Variants in SUGCT observed in about 807,000 individuals in gnomAD.
SUGCT encodes succinyl-CoA:glutarate-CoA transferase.
A neutral mutation model predicts 55.0 loss-of-function variants in SUGCT; 41 were observed. The observed-to-expected ratio is 0.74, with a 90% CI of 0.58 to 0.97. The LOEUF (loss-of-function observed/expected upper bound fraction) is 0.97. Ranked by LOEUF, SUGCT falls within the 50% of genes least tolerant of loss-of-function variation. The pLI is 0.00. For missense variants in SUGCT, 568 were observed against 547.8 expected (o/e 1.04, Z -0.37); for synonymous variants, 187 against 200.4 (o/e 0.93, Z 0.56).
At chr7:40,712,564 G>A (rs1292927549) in intron 12 of SUGCT, among the ~76,000 whole-genome samples, 1 of 152,214 alleles carries the variant, frequency 6.6e-6, no homozygotes, top group Non-Finnish European at 1.5e-5. Context: ...TTTGTCTTGA[G>A]TATGCAGCTT....
chr7:40,456,161 G>A (rs575447701), intron 10 of SUGCT, among the ~76,000 whole-genome samples: 5 of 152,068 alleles, frequency 3.3e-5, no homozygotes, highest in African/African-American at 1.2e-4. Flanking sequence ...GAGTAGCTGG[G>A]ATTACAGGCA....
intron 12 of SUGCT, among the ~76,000 whole-genome samples, chr7:40,527,429 A>G (rs1372792912): frequency 6.6e-6 from 1 of 152,214 alleles, no homozygotes; most frequent in Non-Finnish European, 1.5e-5. Context: ...TCTTTCTAAC[A>G]GAGACAGACA....
Position 40,542,239 on chromosome 7 carries a change from C to CCAT in SUGCT, c.1089+45855_1089+45857dup, listed in dbSNP as rs557377933. Among the ~76,000 whole-genome samples the CCAT allele has an allele frequency of 3.3e-5, 5 of 152,154 alleles. No homozygotes were observed. The South Asian group carries it at 1.0e-3, about 32-fold the overall frequency. ...TATGACATAGACAATGTAATCATAACCATCGTCATCATCATCATCATCATC... is the reference window on the plus strand; with the variant it reads ...TATGACATAGACAATGTAATCATAACCATCATCGTCATCATCATCATCATCATC... On this transcript the variant is annotated intron_variant, in intron 12 of 13. Coordinates refer to ENST00000335693, the MANE Select transcript of SUGCT (RefSeq NM_001193313.2).
At chr7:40,255,704 A>G (rs1359513785) in intron 7 of SUGCT, among the ~76,000 whole-genome samples, 2 of 143,886 alleles carry the variant, frequency 1.4e-5, no homozygotes, top group Non-Finnish European at 3.0e-5. Flanking sequence ...AACTGTCTGC[A>G]TTGTTTGTTT....
At chr7:40,521,865 G>A (rs1793551155) in intron 12 of SUGCT, among the ~76,000 whole-genome samples, 1 of 152,030 alleles carries the variant, frequency 6.6e-6, no homozygotes, top group African/African-American at 2.4e-5. Flanking sequence ...ACATAGATTG[G>A]TGGTGCTGGT....
chr7:40,349,014 T>A (rs1797471594), intron 9 of SUGCT, among the ~76,000 whole-genome samples: 1 of 152,218 alleles, frequency 6.6e-6, no homozygotes, highest in South Asian at 2.1e-4. Context: ...GAGGACTCTG[T>A]TCTCTTTCTT....
intron 1 of SUGCT, among the ~76,000 whole-genome samples, chr7:40,149,099 T>C (rs1378719960): frequency 6.6e-6 from 1 of 152,180 alleles, no homozygotes; most frequent in Admixed American, 6.5e-5. Context: ...AGCATGTCAA[T>C]GTGCCATATT....
chr7:40,638,979 T>C (rs1340187469), intron 12 of SUGCT, among the ~76,000 whole-genome samples: 2 of 152,302 alleles, frequency 1.3e-5, no homozygotes, highest in Admixed American at 6.5e-5. Context: ...GAAAACTGAT[T>C]GGAAAACACT....
chr7:40,517,497 T>G (rs1793306061), intron 12 of SUGCT, among the ~76,000 whole-genome samples: 1 of 152,128 alleles, frequency 6.6e-6, no homozygotes, highest in African/African-American at 2.4e-5. Flanking sequence ...CATGGGTACC[T>G]TTTATCAGGG....
At chr7:40,951,369 G>A in the SUGCT span, among the ~76,000 whole-genome samples, 6 of 151,970 alleles carry the variant, frequency 3.9e-5, no homozygotes, top group Non-Finnish European at 5.9e-5. Flanking sequence ...AGTCTTGCTA[G>A]CGTTCTATTA....
At chr7:40,902,388 GC>G in the SUGCT span, among the ~76,000 whole-genome samples, 1 of 151,928 alleles carries the variant, frequency 6.6e-6, no homozygotes, top group African/African-American at 2.4e-5. Context: ...GACCATCCTG[GC>G]TAATATGGTG....
chr7:40,417,697 T>A (rs1383118699), intron 9 of SUGCT, among the ~76,000 whole-genome samples: 1 of 141,864 alleles, frequency 7.0e-6, no homozygotes, highest in African/African-American at 2.6e-5. Flanking sequence ...TTTATGTATT[T>A]ATATAAAATC....
intron 9 of SUGCT, among the ~76,000 whole-genome samples, chr7:40,446,005 G>T (rs1334623800): frequency 1.3e-5 from 2 of 152,156 alleles, no homozygotes; most frequent in Non-Finnish European, 1.5e-5. Context: ...ATTAACAAGG[G>T]TACAGATGAA....
chr7:40,800,735 G>C (rs969460781), intron 13 of SUGCT, among the ~76,000 whole-genome samples: 8 of 151,980 alleles, frequency 5.3e-5, no homozygotes, highest in African/African-American at 1.9e-4. Context: ...GCATACAGAG[G>C]GTTCTATATT....
chr7:40,378,519 C>G (rs1271410274), intron 9 of SUGCT, among the ~76,000 whole-genome samples: 1 of 152,224 alleles, frequency 6.6e-6, no homozygotes, highest in Non-Finnish European at 1.5e-5. Context: ...GTCACCTAGG[C>G]TGGAGTGCAG....
intron 9 of SUGCT, among the ~76,000 whole-genome samples, chr7:40,447,818 G>T (rs1372049665): frequency 6.6e-6 from 1 of 152,086 alleles, no homozygotes; most frequent in Non-Finnish European, 1.5e-5. Flanking sequence ...AAGGGAGGAG[G>T]AAGTGAAGAA....
intron 12 of SUGCT, among the ~76,000 whole-genome samples, chr7:40,669,249 T>G (rs1309553306): frequency 2.0e-5 from 3 of 149,384 alleles, no homozygotes; most frequent in African/African-American, 7.4e-5. Flanking sequence ...AGTACAGGGG[T>G]GGCTGTATTG....
intron 7 of SUGCT, among the ~76,000 whole-genome samples, chr7:40,257,061 T>G (rs1227588890): frequency 6.6e-6 from 1 of 151,596 alleles, no homozygotes; most frequent in Non-Finnish European, 1.5e-5. Flanking sequence ...ATTTTTATTT[T>G]TTATATGGAG....
intron 13 of SUGCT, among the ~76,000 whole-genome samples, chr7:40,837,687 T>G (rs968635812): frequency 6.6e-6 from 1 of 152,038 alleles, no homozygotes; most frequent in African/African-American, 2.4e-5. Flanking sequence ...GGTTGAGCGA[T>G]TGAACCCAGG....
Sources: gnomAD v4.1 joint callset for allele counts (sites outside exome capture counted in the v4.1 genomes callset) on GRCh38, gnomAD v4.1.1 for gene constraint, MANE v1.5 for transcripts, NCBI Gene and HGNC (gene_info 2026-07-23, HGNC 2026-07-21) for gene names.